Variants in SORBS2 observed in about 807,000 individuals in gnomAD.
SORBS2 encodes the protein sorbin and SH3 domain-containing protein 2.
A neutral mutation model predicts 97.7 loss-of-function variants in SORBS2; 46 were observed. That is an observed-to-expected ratio of 0.47 (90% CI 0.37 to 0.60). The LOEUF (loss-of-function observed/expected upper bound fraction) is 0.60. Among genes scored for constraint, SORBS2 ranks in the 20% least tolerant of loss-of-function variants. SORBS2 has a pLI of 0.00. For synonymous variants in SORBS2, 476 were observed against 473.4 expected (o/e 1.01, Z -0.07); for missense variants, 1,316 against 1,282.3 (o/e 1.03, Z -0.40).
At chr4:185,693,823 A>G (rs2098132465) in intron 2 of SORBS2, among the ~76,000 whole-genome samples, 1 of 152,246 alleles carries the variant, frequency 6.6e-6, no homozygotes, top group Non-Finnish European at 1.5e-5. Context: ...TCAAATGCCG[A>G]TATTTACAGA....
intron 1 of SORBS2, among the ~76,000 whole-genome samples, chr4:185,843,367 A>T (rs962915580): frequency 5.9e-5 from 9 of 152,186 alleles, no homozygotes; most frequent in South Asian, 4.1e-4. Context: ...AATTAGATTT[A>T]AAAAACCCAG....
At position 185,684,674 on chromosome 4, in the gene SORBS2, T is replaced by C; in HGVS notation, c.-197-5852A>G. ...CCTACAAGATCTCATTTTCCTTTGC[T>C]TTTTACGTTTAGAACAAAAACAGTC... is the stretch of plus-strand genomic sequence containing the variant. On this transcript the variant is annotated intron_variant, in intron 2 of 20. Transcript: ENST00000284776. The surrounding 1 kb of genome is among the most constrained non-coding windows in gnomAD (Gnocchi z 4.2). 1.9e-6 allele frequency: 2 copies of C among 1,059,704 alleles called. No homozygotes were observed. The highest frequency in any genetic ancestry group is 2.8e-6 in the Non-Finnish European group (2 of 721,674). The allele number at this position is 1,059,704 out of a possible 1,614,324, so 65.6% of individuals were successfully genotyped here.
chr4:185,815,614 A>T (rs1439309237), intron 1 of SORBS2, among the ~76,000 whole-genome samples: 1 of 152,190 alleles, frequency 6.6e-6, no homozygotes, highest in African/African-American at 2.4e-5. Flanking sequence ...AAGAATACAT[A>T]TACACACACA....
At chr4:185,624,305 G>C (rs1273652496) in exon 7 of SORBS2, 1 of 1,614,110 alleles carries the variant, frequency 6.2e-7, no homozygotes, top group South Asian at 1.1e-5. Context: ...GGTTTCTTCC[G>C]TGCTGCTCCA....
intron 1 of SORBS2, among the ~76,000 whole-genome samples, chr4:185,848,717 A>T (rs998577348): frequency 1.5e-5 from 2 of 136,226 alleles, no homozygotes; most frequent in African/African-American, 2.8e-5. Flanking sequence ...GGCTCAATGG[A>T]TCCCCCTACC....
At chr4:185,787,509 C>G (rs1361944788) in intron 1 of SORBS2, among the ~76,000 whole-genome samples, 1 of 152,204 alleles carries the variant, frequency 6.6e-6, no homozygotes, top group Non-Finnish European at 1.5e-5. Context: ...GGGGCTATTT[C>G]TATATAGCCT....
Position 185,618,577 on chromosome 4 carries a change from T to C in SORBS2, c.2351+8A>G. The C allele has an allele frequency of 6.7e-7, 1 of 1,483,802 alleles. No individual in the cohort carries two copies. The allele number at this position is 1,483,802 out of a possible 1,614,324, so 91.9% of individuals were successfully genotyped here. A position where few individuals can be genotyped will look rare whatever the true frequency, so the allele number is the denominator to read the frequency against. ...TTAAATCATATGATGAGTATTTATC[T>C]TACTTACTTAGATGTCTGAGCCTTA... On this transcript the variant is annotated splice_region_variant and intron_variant, in intron 9 of 14. Coordinates refer to ENST00000418609, the Ensembl canonical transcript of SORBS2.
chr4:185,711,729 A>T (rs778592707), intron 2 of SORBS2, among the ~76,000 whole-genome samples: 2 of 152,202 alleles, frequency 1.3e-5, no homozygotes, highest in Non-Finnish European at 2.9e-5. Context: ...ATGTGTTTGA[A>T]TGAGGGGCTG....
At chr4:185,728,816 C>T (rs930283137) in intron 2 of SORBS2, among the ~76,000 whole-genome samples, 5 of 152,196 alleles carry the variant, frequency 3.3e-5, no homozygotes, top group Admixed American at 2.6e-4. Flanking sequence ...AGATGCAAAC[C>T]CCAGCTGCAT....
At chr4:185,613,724 G>A (rs1014082252) in intron 11 of SORBS2, among the ~76,000 whole-genome samples, 1 of 151,836 alleles carries the variant, frequency 6.6e-6, no homozygotes, top group Non-Finnish European at 1.5e-5. Flanking sequence ...CCAAGAACAG[G>A]TAGTTGCTAG....
At chr4:185,635,499 T>C (rs2096981288) in intron 4 of SORBS2, 88 bp from the exon 16 acceptor site, 1 of 988,074 alleles carries the variant, frequency 1.0e-6, no homozygotes. Context: ...GTGGAAAAGG[T>C]GACAACAGTT....
At chr4:185,820,827 T>C (rs928790590) in intron 1 of SORBS2, among the ~76,000 whole-genome samples, 3 of 152,200 alleles carry the variant, frequency 2.0e-5, no homozygotes, top group Non-Finnish European at 4.4e-5. Flanking sequence ...CAGAGATCAT[T>C]TCTGTTTTGT....
intron 1 of SORBS2, among the ~76,000 whole-genome samples, chr4:185,883,816 C>T (rs1173529214): frequency 6.6e-6 from 1 of 152,102 alleles, no homozygotes; most frequent in Non-Finnish European, 1.5e-5. Context: ...CCACTGTATG[C>T]CAGCCTGGAT....
chr4:185,801,425 A>G (rs1240959511), intron 1 of SORBS2, among the ~76,000 whole-genome samples: 2 of 152,178 alleles, frequency 1.3e-5, no homozygotes, highest in African/African-American at 4.8e-5. Context: ...ACCAATTTAC[A>G]TTCCCATCAA....
chr4:185,738,279 A>G (rs1370069246), intron 2 of SORBS2, among the ~76,000 whole-genome samples: 1 of 152,220 alleles, frequency 6.6e-6, no homozygotes, highest in Non-Finnish European at 1.5e-5. Context: ...GGATTTTCTT[A>G]GAATGCCATG....
At chr4:185,951,288 G>A (rs2099277107) in intron 1 of SORBS2, among the ~76,000 whole-genome samples, 1 of 152,160 alleles carries the variant, frequency 6.6e-6, no homozygotes, top group African/African-American at 2.4e-5. Flanking sequence ...AAGAAATTGT[G>A]GAGGGCGACA....
intron 4 of SORBS2, 196 bp downstream of exon 13, chr4:185,646,472 G>T (rs1196386612): frequency 7.9e-6 from 4 of 509,202 alleles, no homozygotes; most frequent in South Asian, 6.2e-5. Context: ...CTTGTATTTG[G>T]TCAGTAAAGA....
intron 9 of SORBS2, 89 bp from the exon 22 acceptor site, chr4:185,615,248 C>G (rs2096610335): frequency 6.4e-6 from 5 of 782,080 alleles, no homozygotes; most frequent in Non-Finnish European, 6.7e-6. Flanking sequence ...ATTTGTTTGG[C>G]AAATATACTT....
chr4:185,860,669 A>G (rs1394756122), intron 1 of SORBS2, among the ~76,000 whole-genome samples: 2 of 152,228 alleles, frequency 1.3e-5, no homozygotes, highest in African/African-American at 4.8e-5. Flanking sequence ...TTAGGGAGAC[A>G]TAAGACATCA....
Sources: gnomAD v4.1 joint callset for allele counts (sites outside exome capture counted in the v4.1 genomes callset) on GRCh38, gnomAD v4.1.1 for gene constraint, Gnocchi (gnomAD v3.1) non-coding constraint, MANE v1.5 for transcripts, NCBI Gene and HGNC (gene_info 2026-07-23, HGNC 2026-07-21) for gene names.